The following CCDC69 variants were observed in gnomAD, a reference collection of about 807,000 sequenced individuals.
CCDC69 encodes the protein coiled-coil domain containing 69.
CCDC69 carries 38 observed loss-of-function variants against 40.3 expected under a neutral mutation model. That is an observed-to-expected ratio of 0.94 (90% CI 0.73 to 1.24). The LOEUF (loss-of-function observed/expected upper bound fraction) is 1.24. Among genes scored for constraint, CCDC69 ranks in the 50% most tolerant of loss-of-function variants. CCDC69 has a pLI of 0.00. For synonymous variants in CCDC69, 141 were observed against 138.9 expected (o/e 1.02, Z -0.11); for missense variants, 389 against 357.9 (o/e 1.09, Z -0.70).
At position 151,199,066 on chromosome 5, in the gene CCDC69, G is replaced by A; in HGVS notation, c.250C>T (p.Leu84=). The A allele has an allele frequency of 1.2e-6, 2 of 1,613,904 alleles. No individual in the cohort carries two copies. The highest frequency in any genetic ancestry group is 3.3e-4 in the Middle Eastern group (2 of 6,062). The part of the protein sequence containing the change: ...WAQQVEKERE[L]ELRDRLDEQQ... ...TCATCCAGTCTGTCTCGAAGCTCTA[G>A]CTCCCTTTCCTTCTCCACCTGGGGG... is the stretch of plus-strand genomic sequence containing the variant. The change falls in exon 4 of 9, where the codon CTA becomes TTA. Residue 84 remains leucine (L), a synonymous_variant. Coordinates refer to ENST00000355417, the MANE Select transcript of CCDC69 (RefSeq NM_015621.3).
intron 2 of CCDC69, among the ~76,000 whole-genome samples, chr5:151,204,457 G>C (rs1008183276): frequency 4.6e-5 from 7 of 152,182 alleles, no homozygotes; most frequent in African/African-American, 1.7e-4. Context: ...CAGAGATAGG[G>C]AGCTCCTCCT....
chr5:151,195,446 C>T (rs974367378), intron 4 of CCDC69, among the ~76,000 whole-genome samples: 1 of 151,996 alleles, frequency 6.6e-6, no homozygotes, highest in Non-Finnish European at 1.5e-5. Context: ...TTCGGCTGGG[C>T]GAGGTGGCTC....
chr5:151,194,986 T>TA (rs1752677698), intron 4 of CCDC69, among the ~76,000 whole-genome samples: 1 of 151,696 alleles, frequency 6.6e-6, no homozygotes, highest in Admixed American at 6.6e-5. Context: ...TATGATAATT[T>TA]AAAAAATAAA....
In CCDC69 at chr5:151,203,608, A is replaced by C. The variant is rs1056296307; in HGVS notation, c.124+1792T>G. Reference sequence around the variant, plus strand: ...TATATATATTTATATATTAGTAAATATATATATTTAGTTATATATATGTAC... The same window carrying C: ...TATATATATTTATATATTAGTAAATCTATATATTTAGTTATATATATGTAC... On this transcript the variant is annotated intron_variant, in intron 2 of 8. Coordinates refer to ENST00000355417, the MANE Select transcript of CCDC69 (RefSeq NM_015621.3). 3.6e-5 allele frequency among the ~76,000 whole-genome samples: 5 copies of C among 140,576 alleles called. No individual in the cohort carries two copies. In the South Asian group the frequency reaches 1.1e-3, roughly 30 times the overall value. 92.2% of individuals were successfully genotyped at this position (140,576 alleles called of 152,430 possible).
At chr5:151,184,541 A>T (rs905438597) in intron 7 of CCDC69, 100 bp from the exon 8 acceptor site, 1 of 722,126 alleles carries the variant, frequency 1.4e-6, no homozygotes, top group East Asian at 2.6e-5. Context: ...GCACTGATTC[A>T]TTCTAGACTA....
intron 4 of CCDC69, among the ~76,000 whole-genome samples, chr5:151,196,161 T>C (rs1455840985): frequency 6.6e-6 from 1 of 152,206 alleles, no homozygotes; most frequent in African/African-American, 2.4e-5. Flanking sequence ...GTTGTTTTGT[T>C]TTGTTTTTTA....
At chr5:151,197,371 A>G (rs1752714225) in intron 4 of CCDC69, among the ~76,000 whole-genome samples, 1 of 152,284 alleles carries the variant, frequency 6.6e-6, no homozygotes, top group African/African-American at 2.4e-5. Context: ...CTACAAAAAA[A>G]TATAAAAATT....
At chr5:151,199,488 C>T (rs192413042) in intron 3 of CCDC69, among the ~76,000 whole-genome samples, 3 of 152,224 alleles carry the variant, frequency 2.0e-5, no homozygotes, top group Admixed American at 2.0e-4. Context: ...TCAACCCAGG[C>T]AGCCCCTCAG....
At chr5:151,192,757 A>G (rs1752631538) in intron 4 of CCDC69, among the ~76,000 whole-genome samples, 1 of 152,196 alleles carries the variant, frequency 6.6e-6, no homozygotes, top group Admixed American at 6.5e-5. Flanking sequence ...ATTCTCAGTA[A>G]AACATTAGAG....
intron 2 of CCDC69, among the ~76,000 whole-genome samples, chr5:151,203,612 ATATT>A (rs200369617): frequency 0.041 from 5,907 of 142,546 alleles, 404 homozygotes; most frequent in African/African-American, 0.14. Context: ...GTAAATATAT[ATATT>A]TAGTTATATA....
chr5:151,205,794 C>T (rs1184699584), intron 1 of CCDC69, among the ~76,000 whole-genome samples: 1 of 152,194 alleles, frequency 6.6e-6, no homozygotes, highest in Non-Finnish European at 1.5e-5. Context: ...TCTTTCTTCT[C>T]CCGGGATCTG....
At chr5:151,188,336 G>A (rs929435438) in intron 4 of CCDC69, among the ~76,000 whole-genome samples, 6 of 152,210 alleles carry the variant, frequency 3.9e-5, no homozygotes, top group African/African-American at 1.4e-4. Flanking sequence ...CGGGCACGGT[G>A]GCTCATGCCT....
rs1766662554 is a variant in CCDC69, at chr5:151,182,804, G to T, written c.*633C>A. The stretch of plus-strand genomic sequence containing the variant: ...GAATGATGCCTCAGCTGGGGAGGCT[G>T]CCTGGCCCTGTCAGCCCCAAGGGCC... On this transcript the variant is annotated 3_prime_UTR_variant, in exon 9 of 9. Transcript: ENST00000355417. The T allele has an allele frequency of 2.9e-6, 1 of 341,800 alleles. No individual in the cohort carries two copies. Among genetic ancestry groups the T allele is most frequent in the Non-Finnish European group, 5.8e-6 (1 of 172,022 alleles). 21.2% of individuals were successfully genotyped at this position (341,800 alleles called of 1,614,324 possible). A position where few individuals can be genotyped will look rare whatever the true frequency, so the allele number is the denominator to read the frequency against.
intron 1 of CCDC69, among the ~76,000 whole-genome samples, chr5:151,220,796 C>G (rs1408561567): frequency 6.6e-6 from 1 of 152,122 alleles, no homozygotes; most frequent in Admixed American, 6.5e-5. Flanking sequence ...GTCCCCACCC[C>G]CCCTCCGCTT....
chr5:151,223,839 C>A, intron 1 of CCDC69, 84 bp downstream of exon 1: 1 of 1,387,916 alleles, frequency 7.2e-7, no homozygotes. Context: ...CCAGAGAGAG[C>A]CCGGGGCGCC....
At position 151,184,347 on chromosome 5, in the gene CCDC69, G is replaced by C; in HGVS notation, c.710C>G (p.Ser237Ter). The change falls in exon 8 of 9, where the codon TCA (serine) becomes TGA (stop). Residue 237 changes from serine to a stop codon, truncating the protein, a stop_gained. Coordinates refer to ENST00000355417, the MANE Select transcript of CCDC69 (RefSeq NM_015621.3). LOFTEE classifies it high-confidence loss of function. ...HVRSRNQVVL[S>*]RQLSEDLLLT... is the part of the protein sequence containing the mutation. ...AAGGAGGCAGGAAGACAGCTACCTTGACAGGACCACCTGGTTGCGGCTTCG... is the reference window on the plus strand; with the variant it reads ...AAGGAGGCAGGAAGACAGCTACCTTCACAGGACCACCTGGTTGCGGCTTCG... The C allele has an allele frequency of 1.9e-6, 3 of 1,613,030 alleles. No individual in the cohort carries two copies. The highest frequency in any genetic ancestry group is 1.7e-6 in the Non-Finnish European group (2 of 1,179,278).
At chr5:151,198,956 A>G in intron 4 of CCDC69, 41 bp downstream of exon 4, 1 of 1,503,278 alleles carries the variant, frequency 6.7e-7, no homozygotes, top group Non-Finnish European at 9.3e-7. Context: ...AGAAGGAAGC[A>G]CCCCCCACCA....
chr5:151,197,909 A>G (rs980198097), intron 4 of CCDC69, among the ~76,000 whole-genome samples: 100 of 152,344 alleles, frequency 6.6e-4, no homozygotes, highest in African/African-American at 2.4e-3. Flanking sequence ...CTTGGTATAG[A>G]AGAGTTTAAT....
At chr5:151,187,254 A>G in intron 5 of CCDC69, 132 bp downstream of exon 5, 1 of 705,842 alleles carries the variant, frequency 1.4e-6, no homozygotes, top group Non-Finnish European at 2.5e-6. Context: ...CTGGATACAC[A>G]GAAGGCAATC....
Sources: gnomAD v4.1 joint callset for allele counts (sites outside exome capture counted in the v4.1 genomes callset) on GRCh38, gnomAD v4.1.1 for gene constraint, MANE v1.5 for transcripts, NCBI Gene and HGNC (gene_info 2026-07-23, HGNC 2026-07-21) for gene names.